Variants in FOXP2 observed in about 807,000 individuals in gnomAD.
FOXP2 encodes forkhead box protein P2.
In FOXP2, 12 loss-of-function variants were observed where a neutral mutation model predicts 115.8. The ratio of observed to expected loss-of-function variants is 0.10; its 90% confidence interval spans 0.07 to 0.17. The LOEUF (loss-of-function observed/expected upper bound fraction) is 0.17. FOXP2 is among the 10% of genes least tolerant of loss of function. The probability of loss-of-function intolerance (pLI) is 1.00; values close to 1 mark genes in which losing one functional copy is unlikely to be tolerated. For missense variants in FOXP2, 629 were observed against 843.5 expected (o/e 0.75, Z 3.15); for synonymous variants, 328 against 297.7 (o/e 1.10, Z -1.05).
At chr7:114,347,378 GAA>G (rs994815430) in intron 2 of FOXP2, among the ~76,000 whole-genome samples, 1 of 151,794 alleles carries the variant, frequency 6.6e-6, no homozygotes, top group Non-Finnish European at 1.5e-5. Flanking sequence ...TGTATGAGAG[GAA>G]AAGAGTAAGA....
At chr7:114,532,205 G>A (rs1376551512) in intron 2 of FOXP2, among the ~76,000 whole-genome samples, 4 of 151,868 alleles carry the variant, frequency 2.6e-5, no homozygotes, top group Non-Finnish European at 2.9e-5. Context: ...CAGGCATAAG[G>A]GAGGTATTAA....
chr7:114,447,215 T>A (rs1160325827), intron 2 of FOXP2, among the ~76,000 whole-genome samples: 4 of 152,132 alleles, frequency 2.6e-5, no homozygotes. Context: ...ACTGTCCGAA[T>A]TGCCGTCACC....
At chr7:114,385,531 T>C (rs1358745499) in intron 2 of FOXP2, among the ~76,000 whole-genome samples, 4 of 151,920 alleles carry the variant, frequency 2.6e-5, no homozygotes, top group East Asian at 3.9e-4. Context: ...CCCAAGAAAA[T>C]TGAAAGTGGA....
At chr7:114,446,115 A>G (rs1356491636) in intron 2 of FOXP2, among the ~76,000 whole-genome samples, 2 of 152,058 alleles carry the variant, frequency 1.3e-5, no homozygotes, top group African/African-American at 2.4e-5. Flanking sequence ...ATCATTTTAA[A>G]ATGTGTAGAT....
intron 2 of FOXP2, among the ~76,000 whole-genome samples, chr7:114,315,414 T>C (rs1797251808): frequency 6.6e-6 from 1 of 152,206 alleles, no homozygotes; most frequent in African/African-American, 2.4e-5. Flanking sequence ...CCTCGGTTTC[T>C]ATTCCAGTAG....
At chr7:114,380,740 A>C (rs1400415646) in intron 2 of FOXP2, among the ~76,000 whole-genome samples, 1 of 152,202 alleles carries the variant, frequency 6.6e-6, no homozygotes, top group Non-Finnish European at 1.5e-5. Flanking sequence ...ACATCATGAG[A>C]TGTCCACACA....
chr7:114,671,490 A>G (rs570586858), intron 16 of FOXP2, among the ~76,000 whole-genome samples: 68 of 152,312 alleles, frequency 4.5e-4, no homozygotes, highest in African/African-American at 1.6e-3. Flanking sequence ...CTTTTAGCTG[A>G]CAGTATTGTA....
At chr7:114,655,523 C>T (rs1397749721) in intron 10 of FOXP2, among the ~76,000 whole-genome samples, 1 of 151,924 alleles carries the variant, frequency 6.6e-6, no homozygotes, top group Non-Finnish European at 1.5e-5. Flanking sequence ...TTGGAACTAG[C>T]GATATCTGAA....
chr7:114,574,444 T>C (rs1381042124), intron 3 of FOXP2, among the ~76,000 whole-genome samples: 3 of 151,864 alleles, frequency 2.0e-5, no homozygotes, highest in Non-Finnish European at 4.4e-5. Flanking sequence ...TCACTTATTT[T>C]ACTTTTCTTT....
At chr7:114,542,927 G>A (rs1242076175) in intron 3 of FOXP2, among the ~76,000 whole-genome samples, 1 of 151,550 alleles carries the variant, frequency 6.6e-6, no homozygotes, top group Non-Finnish European at 1.5e-5. Context: ...AGTAGCTGGG[G>A]TCACGGGCAT....
At position 114,629,882 on chromosome 7, in the gene FOXP2, GCAGCAGCAACAA is replaced by G. The variant is rs761316361; in HGVS notation, c.495_506del (p.Gln188_Gln191del). ...TTTTGCAGCAGCAGCAGCAACAGCA[GCAGCAGCAACAA>G]CAGCAGCAACAACAGCAGCAGCAAC... is the stretch of plus-strand genomic sequence containing the variant. On this transcript the variant is annotated inframe_deletion, in exon 5 of 17. Transcript: ENST00000350908. 8.4e-5 allele frequency: 136 copies of G among 1,611,874 alleles called. No homozygotes were observed. Among genetic ancestry groups the G allele is most frequent in the Non-Finnish European group, 9.8e-5 (115 of 1,179,288 alleles).
intron 1 of FOXP2, among the ~76,000 whole-genome samples, chr7:114,229,776 AC>A (rs1395431554): frequency 6.6e-6 from 1 of 151,622 alleles, no homozygotes; most frequent in Non-Finnish European, 1.5e-5. Flanking sequence ...AGCAATTAAC[AC>A]CTACATTGAA....
At chr7:114,213,441 A>G (rs757928296) in intron 1 of FOXP2, among the ~76,000 whole-genome samples, 57 of 152,334 alleles carry the variant, frequency 3.7e-4, no homozygotes, top group Non-Finnish European at 4.1e-4. Context: ...AAGTTTGTTT[A>G]CTTAAATAAT....
At chr7:114,086,625 C>G, upstream of FOXP2, 1 of 396,128 alleles carries the variant, frequency 2.5e-6, no homozygotes, top group South Asian at 1.7e-5. Flanking sequence ...AGTTTCTTGG[C>G]CCTCACTCTG....
intron 1 of FOXP2, among the ~76,000 whole-genome samples, chr7:114,128,422 CTTT>C (rs775767541): frequency 7.4e-6 from 1 of 135,668 alleles, no homozygotes. Context: ...TTTTAAATTT[CTTT>C]TTTTTTTTTT....
At chr7:114,143,179 A>ATAG (rs1392716859) in intron 1 of FOXP2, among the ~76,000 whole-genome samples, 1 of 149,556 alleles carries the variant, frequency 6.7e-6, no homozygotes, top group Non-Finnish European at 1.5e-5. Context: ...AATAATAATA[A>ATAG]TAATAATAGC....
chr7:114,122,382 G>A (rs1450492101), intron 1 of FOXP2, among the ~76,000 whole-genome samples: 1 of 147,576 alleles, frequency 6.8e-6, no homozygotes, highest in East Asian at 2.0e-4. Context: ...TACAATCTTT[G>A]TATCGCTCCC....
intron 16 of FOXP2, chr7:114,666,199 T>C (rs982527874): frequency 6.6e-6 from 1 of 152,082 alleles, no homozygotes; most frequent in Non-Finnish European, 1.5e-5. Context: ...TACTTATGTT[T>C]ATTTTCCATA....
At chr7:114,377,281 C>T (rs1053765106) in intron 2 of FOXP2, among the ~76,000 whole-genome samples, 3 of 152,148 alleles carry the variant, frequency 2.0e-5, no homozygotes, top group East Asian at 3.9e-4. Context: ...ACTCATTGAA[C>T]ACTAGGTATT....
Sources: allele counts gnomAD v4.1 joint callset (sites outside exome capture counted in the v4.1 genomes callset), GRCh38; gene constraint gnomAD v4.1.1; transcripts MANE v1.5; gene names NCBI Gene and HGNC (gene_info 2026-07-23, HGNC 2026-07-21).